Variants in IL4I1 observed in about 807,000 individuals in gnomAD.
IL4I1 encodes the protein L-amino-acid oxidase.
Under a neutral mutation model 29.7 loss-of-function variants are expected in IL4I1, and 24 were observed. The ratio of observed to expected loss-of-function variants is 0.81; its 90% CI spans 0.59 to 1.14. The LOEUF is 1.14. IL4I1 is among the 50% of genes most tolerant of loss of function. The pLI is 0.00. For missense variants in IL4I1, 686 were observed against 785.6 expected (o/e 0.87, Z 1.52); for synonymous variants, 371 against 352.5 (o/e 1.05, Z -0.59).
rs2122728134 is a variant in IL4I1 at position 49,921,461 on chromosome 19, C to G, written c.-228+6233G>C. ...TCCAGACCAGCCTGGGCTTCACTCT[C>G]AAATCCAATTCAGGATGATCCGCCC... is the stretch of plus-strand genomic sequence containing the variant. On this transcript the variant is annotated intron_variant, in intron 2 of 9. Coordinates refer to the IL4I1 transcript ENST00000341114. The surrounding 1 kb of genome is among the most constrained non-coding windows in gnomAD (Gnocchi z 5.4). Among the ~76,000 whole-genome samples, 1 of 152,312 alleles carries G rather than the reference C, an allele frequency of 6.6e-6. No individual in the cohort carries two copies. Among genetic ancestry groups the G allele is most frequent in the Non-Finnish European group, 1.5e-5 (1 of 68,020 alleles).
At chr19:49,926,486 T>C (rs1028155398) in intron 2 of IL4I1, among the ~76,000 whole-genome samples, 1 of 152,226 alleles carries the variant, frequency 6.6e-6, no homozygotes, top group East Asian at 1.9e-4. Context: ...GCCAAGATCA[T>C]GCCACTGCAC....
In IL4I1 at chr19:49,895,087, G is replaced by C; in HGVS notation, c.346C>G (p.Arg116Gly). The change falls in exon 4 of 8, where the codon CGC becomes GGC. Residue 116 changes from arginine to glycine, a missense_variant. Physicochemically the swap from Arg to Gly is moderately radical, Grantham distance 125. Transcript: ENST00000391826. ...GGTCACCTGTGAGAGCTGGGCATGC[G>C]CATGGCTCCCAGCTCCCCAATCCAG... ...TGWIGELGAM[R>G]MPSSHRILHK... 6.2e-7 allele frequency: 1 copy of C among 1,613,550 alleles called. No individual in the cohort carries two copies. Among genetic ancestry groups the C allele is most frequent in the Non-Finnish European group, 8.5e-7 (1 of 1,179,704 alleles).
chr19:49,907,705 T>G (rs1377357505), intron 2 of IL4I1: 1 of 344,880 alleles, frequency 2.9e-6, no homozygotes, highest in Non-Finnish European at 5.6e-6. Context: ...CTGACTAATT[T>G]TTGTATTTTT....
chr19:49,913,819 G>A (rs1206205279), intron 2 of IL4I1, among the ~76,000 whole-genome samples: 1 of 152,150 alleles, frequency 6.6e-6, no homozygotes, highest in Admixed American at 6.6e-5. Context: ...GGAGAATCTG[G>A]CAGACCCATA....
chr19:49,891,549 C>A, intron 5 of IL4I1, 76 bp from the exon 6 acceptor site: 3 of 1,318,366 alleles, frequency 2.3e-6, no homozygotes, highest in South Asian at 2.3e-5. Context: ...AGCCCACACT[C>A]GGCTTCTCCT....
At chr19:49,924,981 G>T (rs1270195279) in intron 2 of IL4I1, among the ~76,000 whole-genome samples, 1 of 152,194 alleles carries the variant, frequency 6.6e-6, no homozygotes, top group East Asian at 1.9e-4. Flanking sequence ...CCCACACCGG[G>T]CCAGGCGCGG....
At chr19:49,909,924 G>T in intron 2 of IL4I1, 1 of 1,122,350 alleles carries the variant, frequency 8.9e-7, no homozygotes, top group Non-Finnish European at 1.3e-6. Context: ...GGCAGTTTTG[G>T]AAAGGCAAGC....
intron 2 of IL4I1, among the ~76,000 whole-genome samples, chr19:49,923,600 C>T (rs372068272): frequency 6.6e-6 from 1 of 152,264 alleles, no homozygotes; most frequent in Non-Finnish European, 1.5e-5. Context: ...ATCTCCACAG[C>T]GCTCCCACAC....
chr19:49,915,086 A>T (rs1458817293), intron 2 of IL4I1, among the ~76,000 whole-genome samples: 1 of 151,950 alleles, frequency 6.6e-6, no homozygotes, highest in Non-Finnish European at 1.5e-5. Context: ...TGTGCCTGGG[A>T]AAGAATACAG....
At chr19:49,918,078 CTT>C (rs559266842) in intron 2 of IL4I1, among the ~76,000 whole-genome samples, 5 of 132,596 alleles carry the variant, frequency 3.8e-5, no homozygotes, top group Admixed American at 7.5e-5. Context: ...TTTCCTTTTT[CTT>C]TTTTTTTTTT....
chr19:49,907,804 G>A, intron 2 of IL4I1: 1 of 335,350 alleles, frequency 3.0e-6, no homozygotes, highest in Non-Finnish European at 5.7e-6. Context: ...CCAAAGTGCT[G>A]AGATTACAGG....
At position 49,896,887 on chromosome 19, in the gene IL4I1, T is replaced by G; in HGVS notation, c.-75A>C. The G allele has an allele frequency of 1.0e-6, 1 of 985,516 alleles. No homozygotes were observed. The highest frequency in any genetic ancestry group is 1.2e-6 in the Non-Finnish European group (1 of 829,948). 61.0% of individuals were successfully genotyped at this position (985,516 alleles called of 1,614,324 possible). A position where few individuals can be genotyped will look rare whatever the true frequency, so the allele number is the denominator to read the frequency against. Reference sequence around the variant, plus strand: ...CGCGGTCCTCTCCACTGCCCTCCACTGTCTCTGCTGTGGCCCTTTCTCTCC... The same window carrying G: ...CGCGGTCCTCTCCACTGCCCTCCACGGTCTCTGCTGTGGCCCTTTCTCTCC... On this transcript the variant is annotated 5_prime_UTR_variant, in exon 1 of 8. Transcript: ENST00000391826.
chr19:49,896,486 G>GT (rs985604020), intron 1 of IL4I1, among the ~76,000 whole-genome samples: 3 of 151,344 alleles, frequency 2.0e-5, no homozygotes, highest in Non-Finnish European at 4.4e-5. Flanking sequence ...CCAGGCTGGA[G>GT]TGCAGTGGTA....
At chr19:49,895,003 G>A in intron 4 of IL4I1, 65 bp downstream of exon 4, 1 of 1,254,890 alleles carries the variant, frequency 8.0e-7, no homozygotes. Flanking sequence ...GCCCACTCTG[G>A]TGTGGGCATG....
At chr19:49,926,360 T>C (rs919664813) in intron 2 of IL4I1, among the ~76,000 whole-genome samples, 5 of 151,916 alleles carry the variant, frequency 3.3e-5, no homozygotes, top group Non-Finnish European at 5.9e-5. Context: ...CAAAACCCCG[T>C]CTCTACTAAA....
chr19:49,926,395 T>C (rs550725228), intron 2 of IL4I1, among the ~76,000 whole-genome samples: 3 of 151,802 alleles, frequency 2.0e-5, no homozygotes, highest in Non-Finnish European at 4.4e-5. Flanking sequence ...CCAGGCGTGG[T>C]GGTGGGCGCC....
Position 49,889,785 on chromosome 19 carries a change from A to C in IL4I1, c.1589T>G (p.Val530Gly). The stretch of plus-strand genomic sequence containing the variant: ...CGAGGGGCTGCTGGCCACCCCATGC[A>C]CATGCCCCTGCCCCTCCATGTCAGA... ...HASDMEGQGH[V>G]HGVASSPSHD... Residue 530 changes from valine to glycine, a missense_variant, in exon 8 of 8, where the codon GTG (valine) becomes GGG (glycine). Val to Gly is a moderately radical substitution (Grantham distance 109). Coordinates refer to ENST00000391826, the MANE Select transcript of IL4I1 (RefSeq NM_152899.2). The C allele has an allele frequency of 2.0e-6, 3 of 1,536,432 alleles. No homozygotes were observed. The highest frequency in any genetic ancestry group is 1.8e-6 in the Non-Finnish European group (2 of 1,141,602).
chr19:49,890,266 CA>C lies in IL4I1; in HGVS notation c.1107del (p.Ile369MetfsTer14). The C allele has an allele frequency of 6.3e-7, 1 of 1,585,188 alleles. No homozygotes were observed. Among genetic ancestry groups the C allele is most frequent in the East Asian group, 2.3e-5 (1 of 42,916 alleles). ...CGATCGGTGTTTGAGTGGCCGCCTT[CA>C]ATGTGCTCCTCGCGCCAGAAGGGCC... ...FRRPFWREEH[I>X]EGGHSNTDRP... On this transcript the variant is annotated frameshift_variant, in exon 8 of 8. Transcript: ENST00000391826. LOFTEE classifies it low-confidence loss of function (END_TRUNC).
Position 49,890,229 on chromosome 19 carries a change from A to G in IL4I1, c.1145T>C (p.Met382Thr), listed in dbSNP as rs1484461862. The G allele has an allele frequency of 2.6e-6, 4 of 1,556,724 alleles. No individual in the cohort carries two copies. The highest frequency in any genetic ancestry group is 2.4e-5 in the East Asian group (1 of 41,274). Residue 382 changes from methionine to threonine, a missense_variant, in exon 8 of 8, where the codon ATG becomes ACG. By Grantham distance (81) the Met-to-Thr change is moderately conservative. Transcript: ENST00000391826. ...GHSNTDRPSR[M>T]IFYPPPREGA... ...CTCGCGCGGCGGCGGGTAGAAAATC[A>G]TGCGCGACGGGCGATCGGTGTTTGA...
Sources: gnomAD v4.1 joint callset for allele counts (sites outside exome capture counted in the v4.1 genomes callset) on GRCh38, gnomAD v4.1.1 for gene constraint, Gnocchi (gnomAD v3.1) non-coding constraint, MANE v1.5 for transcripts, NCBI Gene and HGNC (gene_info 2026-07-23, HGNC 2026-07-21) for gene names.